TET2: variants seen among roughly 807,000 people sequenced by gnomAD.
The protein encoded by TET2 is tet methylcytosine dioxygenase 2.
TET2 carries 299 observed loss-of-function variants against 142.9 expected under a neutral mutation model. That is an observed-to-expected ratio of 2.09 (90% confidence interval 1.90 to 2.30). TET2 has a LOEUF of 2.30. TET2 is among the 30% of genes most tolerant of loss of function. The probability of loss-of-function intolerance (pLI) is 0.00; values close to 1 mark genes in which losing one functional copy is unlikely to be tolerated. For missense variants in TET2, 2,418 were observed against 2,378.0 expected (o/e 1.02, Z -0.35); for synonymous variants, 819 against 849.0 (o/e 0.96, Z 0.61).
intron 2 of TET2, among the ~76,000 whole-genome samples, chr4:105,208,101 G>A (rs2110534120): frequency 6.6e-6 from 1 of 152,226 alleles, no homozygotes; most frequent in South Asian, 2.1e-4. Flanking sequence ...TTGAGTTCAT[G>A]GGAATAAAAT....
chr4:105,209,657 T>G (rs1346980306), intron 2 of TET2, among the ~76,000 whole-genome samples: 2 of 152,132 alleles, frequency 1.3e-5, no homozygotes, highest in East Asian at 3.8e-4. Context: ...AATACATAAT[T>G]TTACTCTTCC....
At chr4:105,168,580 TA>T (rs1054204894) in intron 1 of TET2, among the ~76,000 whole-genome samples, 42 of 152,232 alleles carry the variant, frequency 2.8e-4, no homozygotes, top group African/African-American at 8.7e-4. Context: ...TCTTTTTTTT[TA>T]AAATTTTATT....
In TET2 at chr4:105,241,338, G is replaced by C; in HGVS notation, c.3410-1G>C. The C allele has an allele frequency of 6.5e-7, 1 of 1,544,936 alleles. No individual in the cohort carries two copies. Among genetic ancestry groups the C allele is most frequent in the Non-Finnish European group, 8.7e-7 (1 of 1,143,656 alleles). Reference sequence around the variant, plus strand: ...ATAATAATCTTCTATTATCTCAACAGAGCAAATTATTGAAAAAGATGAAGG... The same window carrying C: ...ATAATAATCTTCTATTATCTCAACACAGCAAATTATTGAAAAAGATGAAGG... On this transcript the variant is annotated splice_acceptor_variant, in intron 3 of 10. Coordinates refer to ENST00000380013, the MANE Select transcript of TET2 (RefSeq NM_001127208.3). LOFTEE classifies it high-confidence loss of function.
chr4:105,192,153 C>T (rs755235596), intron 2 of TET2, among the ~76,000 whole-genome samples: 2 of 151,622 alleles, frequency 1.3e-5, no homozygotes, highest in Non-Finnish European at 2.9e-5. Context: ...GAACGTTAAG[C>T]CTGGGTAAGG....
chr4:105,194,212 C>G (rs1179098098), intron 2 of TET2, among the ~76,000 whole-genome samples: 2 of 152,148 alleles, frequency 1.3e-5, no homozygotes, highest in Non-Finnish European at 2.9e-5. Flanking sequence ...CCTGTTAGCA[C>G]TCTCTTGTAG....
intron 1 of TET2, among the ~76,000 whole-genome samples, chr4:105,167,253 C>T (rs1470954388): frequency 1.3e-5 from 2 of 151,766 alleles, no homozygotes; most frequent in Non-Finnish European, 2.9e-5. Flanking sequence ...TTTCGTGGCT[C>T]AAATCATATA....
intron 6 of TET2, among the ~76,000 whole-genome samples, chr4:105,249,736 GAA>G (rs1331868099): frequency 6.6e-6 from 1 of 152,076 alleles, no homozygotes; most frequent in African/African-American, 2.4e-5. Flanking sequence ...ATTTTTTTGA[GAA>G]AAGTCTACTT....
intron 1 of TET2, among the ~76,000 whole-genome samples, chr4:105,188,118 A>G (rs569936355): frequency 6.6e-6 from 1 of 152,336 alleles, no homozygotes; most frequent in Admixed American, 6.5e-5. Context: ...AAGCAACCCA[A>G]ATGCCTACAG....
chr4:105,183,187 G>T (rs570774325), intron 1 of TET2, among the ~76,000 whole-genome samples: 1 of 152,144 alleles, frequency 6.6e-6, no homozygotes, highest in East Asian at 1.9e-4. Context: ...GAGAACCATG[G>T]TAGTAGACTC....
intron 2 of TET2, among the ~76,000 whole-genome samples, chr4:105,229,736 A>G (rs897648079): frequency 6.0e-5 from 9 of 150,788 alleles, no homozygotes; most frequent in Non-Finnish European, 1.3e-4. Flanking sequence ...CTGGAGGCAA[A>G]TTATTATGGC....
In TET2 at chr4:105,272,638, T is replaced by G; in HGVS notation, c.4257T>G (p.Pro1419=). 6.4e-7 allele frequency: 1 copy of G among 1,551,634 alleles called. No individual in the cohort carries two copies. The highest frequency in any genetic ancestry group is 8.7e-7 in the Non-Finnish European group (1 of 1,146,950). The change falls in exon 10 of 11, where the codon CCT becomes CCG. Residue 1419 remains proline, a synonymous_variant. Coordinates refer to ENST00000380013, the MANE Select transcript of TET2 (RefSeq NM_001127208.3). ...KPEDEQLHVL[P]LYKVSDVDEF... ...AGGATGAGCAGCTTCACGTTCTGCC[T>G]TTATACAAAGTCTCTGACGTGGATG...
At chr4:105,265,869 AG>A (rs1730658755) in intron 8 of TET2, among the ~76,000 whole-genome samples, 1 of 152,186 alleles carries the variant, frequency 6.6e-6, no homozygotes, top group African/African-American at 2.4e-5. Flanking sequence ...TACTTCCTGA[AG>A]AGAGTATTAG....
chr4:105,156,980 A>C (rs1473221952), intron 1 of TET2, among the ~76,000 whole-genome samples: 1 of 152,156 alleles, frequency 6.6e-6, no homozygotes, highest in Non-Finnish European at 1.5e-5. Context: ...AAGTTATCTC[A>C]GCTCTTTTAT....
rs1560544127 is a variant in TET2 at position 105,235,712 on chromosome 4, TC to T, written c.1771del (p.Gln591SerfsTer10). 1.2e-6 allele frequency: 2 copies of T among 1,614,168 alleles called. No homozygotes were observed. Among genetic ancestry groups the T allele is most frequent in the Non-Finnish European group, 1.7e-6 (2 of 1,180,018 alleles). Reference sequence around the variant, plus strand: ...ATGAGGCATCACTGCCATCAATTCTTCAGTATCAACCCAATCTCTCCAATCA... The same window carrying T: ...ATGAGGCATCACTGCCATCAATTCTTAGTATCAACCCAATCTCTCCAATCA... Reference protein sequence around the residue: ...RNEASLPSILQYQPNLSNQMT... With the variant: ...RNEASLPSILXYQPNLSNQMT... On this transcript the variant is annotated frameshift_variant, in exon 3 of 11. Coordinates refer to ENST00000380013, the MANE Select transcript of TET2 (RefSeq NM_001127208.3). LOFTEE classifies it high-confidence loss of function.
At chr4:105,250,152 G>A (rs1219429407) in intron 6 of TET2, among the ~76,000 whole-genome samples, 1 of 151,266 alleles carries the variant, frequency 6.6e-6, no homozygotes, top group Admixed American at 6.6e-5. Context: ...TTAAAAGACT[G>A]TTTTTTTTCA....
chr4:105,245,610 A>G (rs1478017129), intron 6 of TET2, among the ~76,000 whole-genome samples: 1 of 152,106 alleles, frequency 6.6e-6, no homozygotes, highest in Non-Finnish European at 1.5e-5. Context: ...GATTACAGGC[A>G]TGAGCCACTG....
At chr4:105,223,350 CT>C (rs1316661525) in intron 2 of TET2, among the ~76,000 whole-genome samples, 2 of 151,838 alleles carry the variant, frequency 1.3e-5, no homozygotes, top group Non-Finnish European at 2.9e-5. Flanking sequence ...AAAATTTTAG[CT>C]TTAATATTTA....
At position 105,276,011 on chromosome 4, in the gene TET2, A is replaced by G. The variant is rs1731202919; in HGVS notation, c.5501A>G (p.Gln1834Arg). The G allele has an allele frequency of 6.4e-7, 1 of 1,551,644 alleles. No individual in the cohort carries two copies. The highest frequency in any genetic ancestry group is 1.2e-5 in the South Asian group (1 of 84,068). ...GAAAAGCAGCCATTGGCACTAGTCC[A>G]GGGTGTGGCTTCTGGTGCAGAGGAC... ...GQEKQPLALV[Q>R]GVASGAEDND... Residue 1834 changes from glutamine (Q) to arginine (R), a missense_variant, in exon 11 of 11, where the codon CAG becomes CGG. Physicochemically the swap from Gln to Arg is conservative, Grantham distance 43. Coordinates refer to ENST00000380013, the MANE Select transcript of TET2 (RefSeq NM_001127208.3).
At chr4:105,264,918 A>G (rs979349121) in intron 8 of TET2, among the ~76,000 whole-genome samples, 1 of 152,082 alleles carries the variant, frequency 6.6e-6, no homozygotes, top group Non-Finnish European at 1.5e-5. Flanking sequence ...CCTTGATTTC[A>G]TGAAGTCTTA....
Sources: allele counts gnomAD v4.1 joint callset (sites outside exome capture counted in the v4.1 genomes callset), GRCh38; gene constraint gnomAD v4.1.1; transcripts MANE v1.5; gene names NCBI Gene and HGNC (gene_info 2026-07-23, HGNC 2026-07-21).